PTGIR: variants seen among roughly 807,000 people sequenced by gnomAD.
PTGIR encodes prostacyclin receptor.
In PTGIR, 16 loss-of-function variants were observed where a neutral mutation model predicts 17.6. That is an observed-to-expected ratio of 0.91 (90% CI 0.61 to 1.38). PTGIR has a LOEUF of 1.38. Ranked by LOEUF, PTGIR falls within the 40% of genes most tolerant of loss-of-function variation. PTGIR has a pLI of 0.00. For missense variants in PTGIR, 532 were observed against 548.6 expected, an observed-to-expected ratio of 0.97 and a Z score of 0.30; for synonymous variants, 274 against 255.4, an observed-to-expected ratio of 1.07 and a Z score of -0.69.
the PTGIR span, among the ~76,000 whole-genome samples, chr19:46,612,121 T>A: frequency 1.3e-5 from 2 of 152,200 alleles, no homozygotes; most frequent in African/African-American, 4.8e-5. Flanking sequence ...TGCCACCTGG[T>A]TGTGGCTTGG....
At chr19:46,615,115 G>T in the PTGIR span, among the ~76,000 whole-genome samples, 1 of 152,154 alleles carries the variant, frequency 6.6e-6, no homozygotes, top group Non-Finnish European at 1.5e-5. Context: ...CTTGAACCCG[G>T]GAGGTGGAGG....
chr19:46,623,729 G>C lies in PTGIR; in HGVS notation c.497C>G (p.Pro166Arg), dbSNP rs2052761786. ...LGLGQHQQYCPGSWCFLRMRW... is the reference protein window; with the variant it reads ...LGLGQHQQYCRGSWCFLRMRW... ...CATGCGGAGGAAGCACCAGCTGCCG[G>C]GGCAGTACTGCTGGTGTTGGCCCAG... The change falls in exon 2 of 3, where the codon CCC becomes CGC. Residue 166 changes from proline to arginine, a missense_variant. Transcript: ENST00000291294. 1.3e-6 allele frequency: 2 copies of C among 1,591,358 alleles called. No homozygotes were observed. Among genetic ancestry groups the C allele is most frequent in the African/African-American group, 1.3e-5 (1 of 74,690 alleles).
downstream of PTGIR, among the ~76,000 whole-genome samples, chr19:46,619,571 GAGAGAGAGAGAGAA>G (rs1308763724): frequency 1.7e-5 from 2 of 119,312 alleles, no homozygotes. Context: ...GAGAGAGAGA[GAGAGAGAGAGAGAA>G]AGAAAGAAAA....
downstream of PTGIR, among the ~76,000 whole-genome samples, chr19:46,615,928 A>G (rs774725221): frequency 5.3e-5 from 8 of 151,846 alleles, no homozygotes; most frequent in Non-Finnish European, 1.2e-4. Flanking sequence ...CCACCTCCCA[A>G]GTCGCTGGGA....
intron 2 of PTGIR, 106 bp downstream of exon 2, chr19:46,623,352 T>A (rs766453155): frequency 7.5e-7 from 1 of 1,324,990 alleles, no homozygotes; most frequent in Non-Finnish European, 1.0e-6. Context: ...ATGCCCACGA[T>A]GTCTCACCTC....
Position 46,623,937 on chromosome 19 carries a change from A to C in PTGIR, c.289T>G (p.Phe97Val), listed in dbSNP as rs763436302. 6.3e-7 allele frequency: 1 copy of C among 1,598,250 alleles called. No homozygotes were observed. The highest frequency in any genetic ancestry group is 2.3e-5 in the East Asian group (1 of 44,054). Residue 97 changes from phenylalanine to valine, a missense_variant, in exon 2 of 3, where the codon TTC becomes GTC. Phe to Val is a conservative substitution (Grantham distance 50, BLOSUM62 -1). Transcript: ENST00000291294. ...GCCAGGCCGAAGAAGGTCATGGCGA[A>C]GGCGAAGGCATCGCACAGGGCGGGG... Reference protein sequence around the residue: ...GGPALCDAFAFAMTFFGLASM... With the variant: ...GGPALCDAFAVAMTFFGLASM...
the PTGIR span, among the ~76,000 whole-genome samples, chr19:46,615,031 C>A: frequency 4.0e-5 from 6 of 150,906 alleles, no homozygotes; most frequent in African/African-American, 7.4e-5. Context: ...CCCACCCCCC[C>A]AAAAAAAATT....
rs201489808 is a variant in PTGIR at position 46,620,685 on chromosome 19, T to A, written c.*595A>T. 8 of 985,800 alleles carry A rather than the reference T, an allele frequency of 8.1e-6. No homozygotes were observed. The African/African-American group carries it at 1.4e-4, about 17-fold the overall frequency. The allele number at this position is 985,800 out of a possible 1,614,324, so 61.1% of individuals were successfully genotyped here. A position where few individuals can be genotyped will look rare whatever the true frequency, so the allele number is the denominator to read the frequency against. ...AGGCCCTTTTTGTACCAAGCACATG[T>A]CCTACGTCATCACCCACAATGCAGC... On this transcript the variant is annotated 3_prime_UTR_variant, in exon 3 of 3. Coordinates refer to ENST00000291294, the MANE Select transcript of PTGIR (RefSeq NM_000960.4).
downstream of PTGIR, among the ~76,000 whole-genome samples, chr19:46,617,277 G>A (rs1971976456): frequency 6.6e-6 from 1 of 152,172 alleles, no homozygotes; most frequent in Non-Finnish European, 1.5e-5. Context: ...ACAGGACCCG[G>A]GCAGCTGGCA....
rs916174476 is a variant in PTGIR at position 46,621,009 on chromosome 19, G to A, written c.*271C>T. On this transcript the variant is annotated 3_prime_UTR_variant, in exon 3 of 3. Transcript: ENST00000291294. The surrounding 1 kb of genome is among the most constrained non-coding windows in gnomAD (Gnocchi z 4.8). Reference sequence around the variant, plus strand: ...TTCTAAATATTTAGACAATGAGATGGATGGGGAATCCAGGGCCAGAGCAGG... The same window carrying A: ...TTCTAAATATTTAGACAATGAGATGAATGGGGAATCCAGGGCCAGAGCAGG... The A allele has an allele frequency of 2.6e-6, 3 of 1,160,088 alleles. No homozygotes were observed. Among genetic ancestry groups the A allele is most frequent in the Non-Finnish European group, 3.2e-6 (3 of 942,364 alleles). The allele number at this position is 1,160,088 out of a possible 1,614,324, so 71.9% of individuals were successfully genotyped here.
chr19:46,614,217 G>A, the PTGIR span, among the ~76,000 whole-genome samples: 1 of 152,156 alleles, frequency 6.6e-6, no homozygotes, highest in Non-Finnish European at 1.5e-5. Flanking sequence ...AGGGCCGCCT[G>A]GGATCCTCGG....
At chr19:46,614,561 T>C in the PTGIR span, 1 of 343,296 alleles carries the variant, frequency 2.9e-6, no homozygotes, top group Admixed American at 6.5e-5. Flanking sequence ...GTCTGCTGGT[T>C]TGAGCCAACT....
At chr19:46,613,406 G>A in the PTGIR span, among the ~76,000 whole-genome samples, 1 of 120,750 alleles carries the variant, frequency 8.3e-6, no homozygotes, top group Non-Finnish European at 1.6e-5. Context: ...GCGCCATCTC[G>A]GCTCACTGCA....
At position 46,623,856 on chromosome 19, in the gene PTGIR, G is replaced by A. The variant is rs760242521; in HGVS notation, c.370C>T (p.Pro124Ser). Residue 124 changes from proline (P) to serine (S), a missense_variant, in exon 2 of 3, where the codon CCC becomes TCC. Coordinates refer to ENST00000291294, the MANE Select transcript of PTGIR (RefSeq NM_000960.4). ...CCGTCCAGCTGCGCGTAGAGGTAGG[G>A]GTGGCTCAGCGCCAGGCAGCGCTCC... ...AVERCLALSHPYLYAQLDGPR... is the reference protein window; with the variant it reads ...AVERCLALSHSYLYAQLDGPR... 2 of 1,609,988 alleles carry A rather than the reference G, an allele frequency of 1.2e-6. No individual in the cohort carries two copies. The highest frequency in any genetic ancestry group is 1.7e-5 in the Admixed American group (1 of 59,808).
In PTGIR at chr19:46,621,477, G is replaced by A. The variant is rs1555817082; in HGVS notation, c.964C>T (p.Pro322Ser). 8 of 1,614,178 alleles carry A rather than the reference G, an allele frequency of 5.0e-6. No homozygotes were observed. The highest frequency in any genetic ancestry group is 2.2e-5 in the South Asian group (2 of 91,084). ...LGPAHGDSQT[P>S]LSQLASGRRD... ...CTCCCTGAGGCGAGCTGGGAAAGGG[G>A]TGTCTGCGAGTCTCCGTGGGCAGGC... is the stretch of plus-strand genomic sequence containing the variant. The change falls in exon 3 of 3, where the codon CCC (proline) becomes TCC (serine). Residue 322 changes from proline to serine, a missense_variant. Coordinates refer to ENST00000291294, the MANE Select transcript of PTGIR (RefSeq NM_000960.4). The surrounding 1 kb of genome is among the most constrained non-coding windows in gnomAD (Gnocchi z 4.8).
chr19:46,615,136 C>T, the PTGIR span, among the ~76,000 whole-genome samples: 1 of 150,076 alleles, frequency 6.7e-6, no homozygotes, highest in African/African-American at 2.4e-5. Flanking sequence ...TTGCAGTGAG[C>T]CGAGATTGTG....
chr19:46,619,671 A>C (rs138590702), downstream of PTGIR, among the ~76,000 whole-genome samples: 2,443 of 144,682 alleles, frequency 0.017, 192 homozygotes, highest in East Asian at 0.23. Context: ...AGAAAGAAAG[A>C]AAGAGGATTT....
rs767270105 is a variant in PTGIR at position 46,623,931 on chromosome 19, T to TGGCGAA, written c.289_294dup (p.Phe97_Ala98dup). On this transcript the variant is annotated inframe_insertion, in exon 2 of 3. Transcript: ENST00000291294. ...ATGGACGCCAGGCCGAAGAAGGTCATGGCGAAGGCGAAGGCATCGCACAGG... is the reference window on the plus strand; with the variant it reads ...ATGGACGCCAGGCCGAAGAAGGTCATGGCGAAGGCGAAGGCGAAGGCATCGCACAGG... 94 of 1,600,832 alleles carry TGGCGAA rather than the reference T, an allele frequency of 5.9e-5. No individual in the cohort carries two copies. The highest frequency in any genetic ancestry group is 1.7e-4 in the Middle Eastern group (1 of 6,044).
Position 46,623,684 on chromosome 19 carries a change from C to G in PTGIR, c.542G>C (p.Gly181Ala). Reference protein sequence around the residue: ...FLRMRWAQPGGAAFSLAYAGL... With the variant: ...FLRMRWAQPGAAAFSLAYAGL... ...GGCGTAGGCCAGCGAGAAGGCGGCG[C>G]CGCCCGGCTGGGCCCAGCGCATGCG... Residue 181 changes from glycine (G) to alanine (A), a missense_variant, in exon 2 of 3, where the codon GGC becomes GCC. Coordinates refer to ENST00000291294, the MANE Select transcript of PTGIR (RefSeq NM_000960.4). 1 of 1,552,000 alleles carries G rather than the reference C, an allele frequency of 6.4e-7. No homozygotes were observed. Among genetic ancestry groups the G allele is most frequent in the Middle Eastern group, 1.7e-4 (1 of 5,912 alleles).
Sources: gnomAD v4.1 joint callset for allele counts (sites outside exome capture counted in the v4.1 genomes callset) on GRCh38, gnomAD v4.1.1 for gene constraint, Gnocchi (gnomAD v3.1) non-coding constraint, MANE v1.5 for transcripts, NCBI Gene and HGNC (gene_info 2026-07-23, HGNC 2026-07-21) for gene names.